CKMT2: variants seen among roughly 807,000 people sequenced by gnomAD.
The protein encoded by CKMT2 is creatine kinase S-type, mitochondrial.
In CKMT2, 43 loss-of-function variants were observed where a neutral mutation model predicts 48.9. That is an observed-to-expected ratio of 0.88 (90% CI 0.69 to 1.13). The LOEUF (loss-of-function observed/expected upper bound fraction) is 1.13. Ranked by LOEUF, CKMT2 falls within the 50% of genes most tolerant of loss-of-function variation. CKMT2 has a pLI of 0.00. For synonymous variants in CKMT2, 206 were observed against 213.0 expected, an observed-to-expected ratio of 0.97 and a Z score of 0.29; for missense variants, 472 against 555.4, an observed-to-expected ratio of 0.85 and a Z score of 1.51.
At chr5:81,239,756 C>A (rs1158918262) in intron 1 of CKMT2, among the ~76,000 whole-genome samples, 1 of 152,104 alleles carries the variant, frequency 6.6e-6, no homozygotes, top group East Asian at 1.9e-4. Context: ...AAGTAGAGCA[C>A]AAATCACACA....
chr5:81,244,539 C>G (rs879354142), intron 1 of CKMT2, among the ~76,000 whole-genome samples: 1 of 152,212 alleles, frequency 6.6e-6, no homozygotes, highest in Non-Finnish European at 1.5e-5. Context: ...AATGAGGCAA[C>G]TCTCTTTTAG....
intron 1 of CKMT2, among the ~76,000 whole-genome samples, chr5:81,240,572 A>T (rs1168840503): frequency 6.6e-6 from 1 of 152,112 alleles, no homozygotes; most frequent in Non-Finnish European, 1.5e-5. Flanking sequence ...TATGGTTAAG[A>T]CCCCATCTAG....
chr5:81,256,419 C>A (rs894166769), intron 5 of CKMT2, among the ~76,000 whole-genome samples: 1 of 152,210 alleles, frequency 6.6e-6, no homozygotes, highest in Non-Finnish European at 1.5e-5. Context: ...GAGCCTGGCA[C>A]AGTCAGCATT....
intron 1 of CKMT2, among the ~76,000 whole-genome samples, chr5:81,243,877 G>A (rs545834775): frequency 3.9e-5 from 6 of 152,280 alleles, no homozygotes; most frequent in South Asian, 2.1e-4. Context: ...ATTTTTAGTA[G>A]AGACAGGGTT....
At chr5:81,251,520 G>A (rs972638919) in intron 2 of CKMT2, among the ~76,000 whole-genome samples, 2 of 152,096 alleles carry the variant, frequency 1.3e-5, no homozygotes, top group Admixed American at 6.6e-5. Flanking sequence ...CCTGGGAGGC[G>A]GAGGTTGTTG....
chr5:81,261,394 G>A (rs551877655), intron 8 of CKMT2, among the ~76,000 whole-genome samples: 1 of 152,274 alleles, frequency 6.6e-6, no homozygotes, highest in Non-Finnish European at 1.5e-5. Flanking sequence ...TATTCACGCA[G>A]GAAGAGAGGA....
chr5:81,248,512 C>CTGA (rs1349373913), intron 1 of CKMT2, among the ~76,000 whole-genome samples: 1 of 152,190 alleles, frequency 6.6e-6, no homozygotes, highest in East Asian at 1.9e-4. Flanking sequence ...GTGCAGCTCA[C>CTGA]TGAAGAGCCG....
intron 1 of CKMT2, among the ~76,000 whole-genome samples, chr5:81,248,474 T>G (rs1029268583): frequency 3.3e-5 from 5 of 152,194 alleles, no homozygotes; most frequent in Non-Finnish European, 7.3e-5. Flanking sequence ...TAGCGTTGCC[T>G]GCTGCAAGCA....
intron 2 of CKMT2, chr5:81,252,064 G>C (rs13159978): frequency 6.4e-6 from 1 of 155,228 alleles, no homozygotes; most frequent in Admixed American, 6.3e-5. Context: ...TTTAAGTATC[G>C]GCTCTAAAGG....
intron 5 of CKMT2, 120 bp downstream of exon 5, chr5:81,255,334 C>A: frequency 2.4e-6 from 2 of 826,722 alleles, no homozygotes; most frequent in Non-Finnish European, 1.9e-6. Flanking sequence ...CTGGGCTCCA[C>A]CCCTGAGCTC....
chr5:81,257,498 T>TTATATTCTTG (rs1283577360), intron 6 of CKMT2, among the ~76,000 whole-genome samples: 5 of 152,216 alleles, frequency 3.3e-5, no homozygotes, highest in Admixed American at 3.3e-4. Context: ...GGGGAATTAA[T>TTATATTCTTG]TATATTCTTG....
rs780422210 is a variant in CKMT2, at chr5:81,239,880, C to T, written c.-21+6503C>T. ...TGTGGTCCTGGGTGAGTTATTTTGCCTTTCTCTCCCTGCATCTGCTCACTT... is the reference window on the plus strand; with the variant it reads ...TGTGGTCCTGGGTGAGTTATTTTGCTTTTCTCTCCCTGCATCTGCTCACTT... On this transcript the variant is annotated intron_variant, in intron 1 of 9. Coordinates refer to ENST00000254035, the MANE Select transcript of CKMT2 (RefSeq NM_001099735.2). Among the ~76,000 whole-genome samples, 124 of 152,186 alleles carry T rather than the reference C, an allele frequency of 8.1e-4. 1 individual carries two copies. Among genetic ancestry groups the T allele is most frequent in the Admixed American group, 8.5e-4 (13 of 15,284 alleles).
At chr5:81,254,718 TTA>T (rs1756937238) in intron 4 of CKMT2, 1 of 596,322 alleles carries the variant, frequency 1.7e-6, no homozygotes, top group Non-Finnish European at 3.0e-6. Flanking sequence ...ATTGGGAACT[TTA>T]AACCTTTCCT....
At chr5:81,263,766 C>CA in intron 9 of CKMT2, 150 bp downstream of exon 9, 1 of 577,756 alleles carries the variant, frequency 1.7e-6, no homozygotes, top group Non-Finnish European at 2.9e-6. Flanking sequence ...CATTCTGTAA[C>CA]ATTATTCTTC....
intron 1 of CKMT2, chr5:81,238,320 C>T (rs7728465): frequency 0.18 from 26,658 of 151,662 alleles, 2,639 homozygotes; most frequent in Admixed American, 0.27. Flanking sequence ...GGCGACAGAG[C>T]GAGACTGTCT....
chr5:81,246,491 C>G (rs1756615676), intron 1 of CKMT2, among the ~76,000 whole-genome samples: 1 of 152,192 alleles, frequency 6.6e-6, no homozygotes, highest in Non-Finnish European at 1.5e-5. Flanking sequence ...TCTTTGCACT[C>G]ATCCCCACCT....
At chr5:81,235,720 A>AT (rs1193135951) in intron 1 of CKMT2, 1 of 152,194 alleles carries the variant, frequency 6.6e-6, no homozygotes, top group Non-Finnish European at 1.5e-5. Context: ...GGACCAAGAA[A>AT]TGTACAGCTT....
chr5:81,242,622 C>G, intron 1 of CKMT2: 1 of 310,234 alleles, frequency 3.2e-6, no homozygotes, highest in South Asian at 3.7e-5. Flanking sequence ...GCCAAAAAAG[C>G]CAAACATTGA....
chr5:81,257,364 A>ACC lies in CKMT2; in HGVS notation c.756-365_756-364dup, dbSNP rs776876994. On this transcript the variant is annotated intron_variant, in intron 6 of 9. Transcript: ENST00000254035. ...CCTTCAACATCTTGGGTGGAAGGTAACCCCCACCCGCTTTTTAGAGCACAA... is the reference window on the plus strand; with the variant it reads ...CCTTCAACATCTTGGGTGGAAGGTAACCCCCCCACCCGCTTTTTAGAGCACAA... 3.4e-3 allele frequency among the ~76,000 whole-genome samples: 520 copies of ACC among 151,144 alleles called. 4 individuals carry two copies. The highest frequency in any genetic ancestry group is 0.012 in the African/African-American group (495 of 41,208).
Sources: allele counts gnomAD v4.1 joint callset (sites outside exome capture counted in the v4.1 genomes callset), GRCh38; gene constraint gnomAD v4.1.1; transcripts MANE v1.5; gene names NCBI Gene and HGNC (gene_info 2026-07-23, HGNC 2026-07-21).